Variants in DLG2 observed in about 807,000 individuals in gnomAD.
DLG2 encodes the protein disks large homolog 2.
Under a neutral mutation model 132.5 loss-of-function variants are expected in DLG2, and 45 were observed. The ratio of observed to expected loss-of-function variants is 0.34; its 90% CI spans 0.27 to 0.44. The LOEUF (loss-of-function observed/expected upper bound fraction) is 0.44. DLG2 is among the 20% of genes least tolerant of loss of function. DLG2 has a pLI of 1.00. For synonymous variants in DLG2, 424 were observed against 419.6 expected (o/e 1.01, Z -0.13); for missense variants, 1,045 against 1,196.9 (o/e 0.87, Z 1.87).
intron 11 of DLG2, among the ~76,000 whole-genome samples, chr11:84,035,572 T>C (rs1301273265): frequency 6.6e-6 from 1 of 152,108 alleles, no homozygotes; most frequent in African/African-American, 2.4e-5. Flanking sequence ...AAGGGGAAAT[T>C]GATGGAAGAT....
intron 5 of DLG2, among the ~76,000 whole-genome samples, chr11:85,130,765 T>A (rs1159174108): frequency 1.3e-5 from 2 of 152,104 alleles, no homozygotes; most frequent in African/African-American, 4.8e-5. Context: ...CCCAAGAAAG[T>A]AGAGCAAGGG....
intron 6 of DLG2, among the ~76,000 whole-genome samples, chr11:84,667,802 T>C (rs75916243): frequency 0.012 from 1,846 of 152,102 alleles, 19 homozygotes; most frequent in South Asian, 0.046. Context: ...CCTGGCCAGA[T>C]TAAAGAGATT....
chr11:85,581,576 C>T (rs2078525030), intron 3 of DLG2, among the ~76,000 whole-genome samples: 1 of 152,058 alleles, frequency 6.6e-6, no homozygotes, highest in Non-Finnish European at 1.5e-5. Context: ...TGACATGGTG[C>T]CACTGCACTC....
At chr11:83,902,451 A>G (rs746113259) in intron 15 of DLG2, among the ~76,000 whole-genome samples, 12 of 152,218 alleles carry the variant, frequency 7.9e-5, no homozygotes, top group Non-Finnish European at 1.6e-4. Context: ...TTACTCACCA[A>G]TCAGCCTGCA....
chr11:83,791,196 A>T, intron 17 of DLG2: 1 of 638,346 alleles, frequency 1.6e-6, no homozygotes, highest in Admixed American at 2.6e-5. Flanking sequence ...CTGCGGAGGG[A>T]GGTGGCCTTA....
intron 6 of DLG2, among the ~76,000 whole-genome samples, chr11:84,594,362 T>C (rs905475548): frequency 8.5e-5 from 13 of 152,206 alleles, no homozygotes; most frequent in Admixed American, 8.5e-4. Flanking sequence ...CCTCAACATT[T>C]ATTGAGCATC....
intron 6 of DLG2, among the ~76,000 whole-genome samples, chr11:85,087,767 A>C (rs1044993475): frequency 1.4e-5 from 2 of 143,110 alleles, no homozygotes; most frequent in Non-Finnish European, 3.0e-5. Context: ...GAACCCGGGA[A>C]GCGGAGCTTG....
chr11:83,718,414 C>G (rs1405356180), intron 18 of DLG2, among the ~76,000 whole-genome samples: 1 of 151,392 alleles, frequency 6.6e-6, no homozygotes, highest in Non-Finnish European at 1.5e-5. Flanking sequence ...GGTCCAGCTA[C>G]TCAGGAGGTT....
intron 4 of DLG2, among the ~76,000 whole-genome samples, chr11:85,178,152 T>C (rs1024369718): frequency 2.6e-5 from 4 of 152,142 alleles, no homozygotes; most frequent in Admixed American, 6.6e-5. Flanking sequence ...TCTATAAGAA[T>C]AGACAATATT....
In DLG2 at chr11:85,547,156, G is replaced by A. The variant is rs577987678; in HGVS notation, c.40+51501C>T. Among the ~76,000 whole-genome samples, 29 of 152,220 alleles carry A rather than the reference G, an allele frequency of 1.9e-4. 1 individual carries two copies. The South Asian group carries it at 5.8e-3, about 30-fold the overall frequency. ...GTGGTTGATCCTTTCCATGTTTAAT[G>A]CTTCCTTCAGGAGCTCTTGTAAGGC... is the stretch of plus-strand genomic sequence containing the variant. On this transcript the variant is annotated intron_variant, in intron 3 of 27. Coordinates refer to ENST00000376104, the MANE Select transcript of DLG2 (RefSeq NM_001142699.3).
intron 7 of DLG2, among the ~76,000 whole-genome samples, chr11:84,532,117 ATTTTTT>A (rs67139617): frequency 9.6e-6 from 1 of 104,584 alleles, no homozygotes; most frequent in African/African-American, 3.7e-5. Flanking sequence ...TGTTCTGTTC[ATTTTTT>A]TTTTTTTTTT....
At chr11:85,269,714 C>A (rs981219065) in intron 4 of DLG2, among the ~76,000 whole-genome samples, 3 of 152,122 alleles carry the variant, frequency 2.0e-5, no homozygotes, top group African/African-American at 7.2e-5. Flanking sequence ...GCCAAGCCCA[C>A]ACAAAGAGAG....
At chr11:85,082,395 C>G (rs373526186) in intron 6 of DLG2, among the ~76,000 whole-genome samples, 6 of 152,144 alleles carry the variant, frequency 3.9e-5, no homozygotes, top group African/African-American at 1.4e-4. Flanking sequence ...CTCAAATTTT[C>G]TCATAGTAAA....
At chr11:83,853,814 C>T (rs1451059370) in intron 16 of DLG2, among the ~76,000 whole-genome samples, 1 of 152,076 alleles carries the variant, frequency 6.6e-6, no homozygotes, top group African/African-American at 2.4e-5. Context: ...CCACTAAGAT[C>T]AGAAACAAGG....
At chr11:85,031,547 A>C (rs900669123) in intron 6 of DLG2, among the ~76,000 whole-genome samples, 16 of 152,142 alleles carry the variant, frequency 1.1e-4, no homozygotes, top group Admixed American at 5.9e-4. Flanking sequence ...CCTTCTTCAT[A>C]ATAGTGTAGG....
At chr11:84,751,934 C>G (rs1344563896) in intron 6 of DLG2, among the ~76,000 whole-genome samples, 1 of 152,126 alleles carries the variant, frequency 6.6e-6, no homozygotes, top group East Asian at 1.9e-4. Context: ...CTCTCATTTA[C>G]TTTGTTCTTA....
chr11:85,488,407 C>A (rs889526639), intron 3 of DLG2, among the ~76,000 whole-genome samples: 11 of 151,396 alleles, frequency 7.3e-5, no homozygotes, highest in Non-Finnish European at 1.2e-4. Flanking sequence ...AAAACAACAA[C>A]AACAACCACA....
At chr11:85,068,966 G>A (rs1424430309) in intron 6 of DLG2, among the ~76,000 whole-genome samples, 1 of 152,056 alleles carries the variant, frequency 6.6e-6, no homozygotes, top group Non-Finnish European at 1.5e-5. Context: ...ACAGAGCAAT[G>A]GAACAGAACA....
At chr11:83,968,820 T>C (rs373529000) in intron 12 of DLG2, among the ~76,000 whole-genome samples, 146 of 152,254 alleles carry the variant, frequency 9.6e-4, no homozygotes, top group African/African-American at 3.4e-3. Context: ...ATAGACAAGG[T>C]CCTTGCTTTC....
Sources: allele counts gnomAD v4.1 joint callset (sites outside exome capture counted in the v4.1 genomes callset), GRCh38; gene constraint gnomAD v4.1.1; transcripts MANE v1.5; gene names NCBI Gene and HGNC (gene_info 2026-07-23, HGNC 2026-07-21).